Variants in PDZD2 observed in about 807,000 individuals in gnomAD.
The protein encoded by PDZD2 is PDZ domain containing 2, also known as PDZ domain-containing protein 2.
A neutral mutation model predicts 220.7 loss-of-function variants in PDZD2; 90 were observed. That is an observed-to-expected ratio of 0.41 (90% CI 0.34 to 0.49). The LOEUF is 0.49. Among genes scored for constraint, PDZD2 ranks in the 20% least tolerant of loss-of-function variants. The pLI is 0.28. For synonymous variants in PDZD2, 1,375 were observed against 1,450.5 expected, an observed-to-expected ratio of 0.95 and a Z score of 1.18; for missense variants, 3,174 against 3,608.5, an observed-to-expected ratio of 0.88 and a Z score of 3.08.
chr5:31,677,825 T>G lies in PDZD2; in HGVS notation c.-361+38388T>G, dbSNP rs574327060. Among the ~76,000 whole-genome samples, 35 of 151,958 alleles carry G rather than the reference T, an allele frequency of 2.3e-4. No individual in the cohort carries two copies. In the South Asian group the frequency reaches 5.4e-3, roughly 24 times the overall value. ...AAATTCTAGAAAAGGCACGCTGATCTTTAGGGGTAGAAAGCAGACCAACGT... is the reference window on the plus strand; with the variant it reads ...AAATTCTAGAAAAGGCACGCTGATCGTTAGGGGTAGAAAGCAGACCAACGT... On this transcript the variant is annotated intron_variant, in intron 1 of 24. Transcript: ENST00000438447.
At chr5:31,752,085 T>TTTTTTTTTTTTTTTTTTTTTTTTG (rs1561431800) in intron 1 of PDZD2, among the ~76,000 whole-genome samples, 1 of 135,064 alleles carries the variant, frequency 7.4e-6, no homozygotes, top group Non-Finnish European at 1.6e-5. Flanking sequence ...TTTTTTTTTT[T>TTTTTTTTTTTTTTTTTTTTTTTTG]TTTTTCTGAG....
At chr5:31,692,011 C>T (rs895559810) in intron 1 of PDZD2, among the ~76,000 whole-genome samples, 64 of 152,366 alleles carry the variant, frequency 4.2e-4, no homozygotes, top group African/African-American at 1.4e-3. Flanking sequence ...GCCCTGCACC[C>T]GCATTCCTCA....
At chr5:31,722,558 G>C (rs1327777519) in intron 1 of PDZD2, among the ~76,000 whole-genome samples, 1 of 152,110 alleles carries the variant, frequency 6.6e-6, no homozygotes, top group Non-Finnish European at 1.5e-5. Flanking sequence ...TTGTACACAA[G>C]ATTTGTTAAA....
At chr5:32,064,581 G>A (rs1166224509) in intron 14 of PDZD2, among the ~76,000 whole-genome samples, 1 of 152,018 alleles carries the variant, frequency 6.6e-6, no homozygotes, top group Non-Finnish European at 1.5e-5. Context: ...TCTTTTGAGC[G>A]CTTGTTGTAA....
In PDZD2 at chr5:32,088,181, C is replaced by T. The variant is rs768589782; in HGVS notation, c.4733C>T (p.Ser1578Phe). ...APRASARDGW[S>F]PPRSRVSLHK... ...CGAGCTTCTGCCAGGGACGGCTGGT[C>T]CCCTCCTCGTTCCCGTGTGTCTTTG... Residue 1578 changes from serine (S) to phenylalanine (F), a missense_variant, in exon 20 of 25, where the codon TCC becomes TTC. Coordinates refer to ENST00000438447, the MANE Select transcript of PDZD2 (RefSeq NM_178140.4). This position sits in a 1 kb window ranked among gnomAD's most constrained non-coding sequence, Gnocchi z 4.6. 3.1e-6 allele frequency: 5 copies of T among 1,613,934 alleles called. No individual in the cohort carries two copies. The highest frequency in any genetic ancestry group is 1.7e-6 in the Non-Finnish European group (2 of 1,179,944).
intron 1 of PDZD2, among the ~76,000 whole-genome samples, chr5:31,797,094 ATTTTTTTTTTT>A (rs756548601): frequency 3.0e-5 from 2 of 66,544 alleles, no homozygotes; most frequent in South Asian, 6.2e-4. Context: ...CACCCAGCTA[ATTTTTTTTTTT>A]TTTTTTTTTT....
chr5:31,961,831 A>G (rs1352521656), intron 2 of PDZD2, among the ~76,000 whole-genome samples: 3 of 152,108 alleles, frequency 2.0e-5, no homozygotes, highest in Admixed American at 2.0e-4. Context: ...TTTAGTAGAG[A>G]CAAAGTTTCA....
chr5:32,052,476 A>T, intron 8 of PDZD2, 135 bp from the exon 9 acceptor site: 1 of 833,252 alleles, frequency 1.2e-6, no homozygotes, highest in Non-Finnish European at 2.0e-6. Flanking sequence ...AAACTTTTTT[A>T]AGTCACTGAA....
chr5:32,077,321 C>T, intron 18 of PDZD2, 141 bp from the exon 19 acceptor site: 1 of 765,616 alleles, frequency 1.3e-6, no homozygotes, highest in South Asian at 1.7e-5. Flanking sequence ...ACCTTAAACC[C>T]ACAATCTGGA....
intron 2 of PDZD2, among the ~76,000 whole-genome samples, chr5:31,862,311 C>G (rs893601696): frequency 6.6e-6 from 1 of 151,732 alleles, no homozygotes; most frequent in Admixed American, 6.6e-5. Context: ...GCCATGTTGG[C>G]CAGGCTGGTC....
intron 1 of PDZD2, among the ~76,000 whole-genome samples, chr5:31,683,842 T>C (rs1417399581): frequency 6.6e-6 from 1 of 152,178 alleles, no homozygotes; most frequent in Non-Finnish European, 1.5e-5. Flanking sequence ...AGTAGTAGGA[T>C]TACTGGAACA....
Position 32,074,453 on chromosome 5 carries a change from C to T in PDZD2, c.3347C>T (p.Ser1116Phe), listed in dbSNP as rs1238224368. 3.1e-6 allele frequency: 5 copies of T among 1,614,092 alleles called. No homozygotes were observed. Among genetic ancestry groups the T allele is most frequent in the East Asian group, 2.2e-5 (1 of 44,872 alleles). The change falls in exon 18 of 25, where the codon TCC (serine) becomes TTC (phenylalanine). Residue 1116 changes from serine to phenylalanine, a missense_variant. Coordinates refer to ENST00000438447, the MANE Select transcript of PDZD2 (RefSeq NM_178140.4). The part of the protein sequence containing the change: ...SPQQKSEGLG[S>F]RHRPVARVSP... ...CAGCAGAAAAGTGAAGGCCTGGGCT[C>T]CAGGCACAGACCAGTGGCCAGGGTA...
intron 1 of PDZD2, chr5:31,725,737 T>C (rs1749084458): frequency 1.1e-6 from 1 of 906,696 alleles, no homozygotes; most frequent in East Asian, 2.4e-5. Context: ...TGCAACGTGA[T>C]TTAGCCTTCA....
chr5:31,842,199 T>C (rs1757353334), intron 2 of PDZD2, among the ~76,000 whole-genome samples: 1 of 152,182 alleles, frequency 6.6e-6, no homozygotes, highest in Admixed American at 6.5e-5. Flanking sequence ...TTAGCGGGGA[T>C]TTGCATATAT....
intron 2 of PDZD2, among the ~76,000 whole-genome samples, chr5:31,842,432 C>T (rs1757365441): frequency 1.3e-5 from 2 of 152,188 alleles, no homozygotes; most frequent in South Asian, 4.1e-4. Flanking sequence ...TCTCACCCGG[C>T]CGCTCATTCT....
At chr5:31,737,552 C>G (rs548124938) in intron 1 of PDZD2, among the ~76,000 whole-genome samples, 22 of 152,292 alleles carry the variant, frequency 1.4e-4, no homozygotes, top group African/African-American at 5.3e-4. Flanking sequence ...TACATATCCT[C>G]AAGAGATGCT....
chr5:31,694,124 G>A (rs1487003772), intron 1 of PDZD2, among the ~76,000 whole-genome samples: 1 of 152,108 alleles, frequency 6.6e-6, no homozygotes, highest in Admixed American at 6.5e-5. Flanking sequence ...TTGTAGGCCG[G>A]GTGCGGTGGC....
At chr5:31,994,941 C>G (rs1464010403) in intron 3 of PDZD2, among the ~76,000 whole-genome samples, 1 of 152,158 alleles carries the variant, frequency 6.6e-6, no homozygotes, top group African/African-American at 2.4e-5. Context: ...ACTAAATTCC[C>G]AATTTGGAGG....
intron 2 of PDZD2, among the ~76,000 whole-genome samples, chr5:31,901,510 C>T (rs1323049188): frequency 1.3e-5 from 2 of 151,944 alleles, no homozygotes; most frequent in Non-Finnish European, 2.9e-5. Flanking sequence ...GAATACTTCC[C>T]CTCAAACAAT....
Sources: gnomAD v4.1 joint callset for allele counts (sites outside exome capture counted in the v4.1 genomes callset) on GRCh38, gnomAD v4.1.1 for gene constraint, Gnocchi (gnomAD v3.1) non-coding constraint, MANE v1.5 for transcripts, NCBI Gene and HGNC (gene_info 2026-07-23, HGNC 2026-07-21) for gene names.